DIP2B: variants seen among roughly 807,000 people sequenced by gnomAD.
DIP2B encodes the protein DIP2 acetate--CoA ligase B (putative).
A neutral mutation model predicts 198.0 loss-of-function variants in DIP2B; 76 were observed. The observed-to-expected ratio is 0.38, with a 90% CI of 0.32 to 0.46. DIP2B has a LOEUF of 0.46. DIP2B is among the 20% of genes least tolerant of loss of function. The pLI is 0.99. For missense variants in DIP2B, 1,559 were observed against 1,978.4 expected, an observed-to-expected ratio of 0.79 and a Z score of 4.02; for synonymous variants, 701 against 739.1, an observed-to-expected ratio of 0.95 and a Z score of 0.84.
intron 1 of DIP2B, among the ~76,000 whole-genome samples, chr12:50,568,348 C>T (rs557843081): frequency 6.6e-6 from 1 of 152,272 alleles, no homozygotes; most frequent in South Asian, 2.1e-4. Context: ...CTAGGGGCTT[C>T]TTTTCCCAGC....
In DIP2B at chr12:50,744,887, C is replaced by T. The variant is rs371776166; in HGVS notation, c.*48C>T. On this transcript the variant is annotated 3_prime_UTR_variant, in exon 38 of 38. Transcript: ENST00000301180. Reference sequence around the variant, plus strand: ...GGGCCATTCTGAAGAATCACAAAGACAGAAGACCTCTGGCTAAGAGCAGGC... The same window carrying T: ...GGGCCATTCTGAAGAATCACAAAGATAGAAGACCTCTGGCTAAGAGCAGGC... 5.8e-5 allele frequency: 92 copies of T among 1,598,152 alleles called. No homozygotes were observed. Among genetic ancestry groups the T allele is most frequent in the Admixed American group, 1.9e-4 (11 of 59,096 alleles).
At chr12:50,549,398 C>T (rs931345731) in intron 1 of DIP2B, among the ~76,000 whole-genome samples, 1 of 152,112 alleles carries the variant, frequency 6.6e-6, no homozygotes, top group Non-Finnish European at 1.5e-5. Flanking sequence ...GGCATGGTGG[C>T]GGGTGCCTGT....
chr12:50,594,710 C>T (rs1403733154), intron 1 of DIP2B, among the ~76,000 whole-genome samples: 2 of 151,958 alleles, frequency 1.3e-5, no homozygotes, highest in East Asian at 3.9e-4. Flanking sequence ...AAAAAGTCAT[C>T]GAAAATATCA....
At position 50,571,193 on chromosome 12, in the gene DIP2B, A is replaced by G. The variant is rs866530976; in HGVS notation, c.101-54783A>G. Among the ~76,000 whole-genome samples, 117 of 132,010 alleles carry G rather than the reference A, an allele frequency of 8.9e-4. 1 individual carries two copies. The highest frequency in any genetic ancestry group is 3.3e-3 in the African/African-American group (112 of 34,388). 86.6% of individuals were successfully genotyped at this position (132,010 alleles called of 152,430 possible). ...CTCTTTTTTTTTTTTTTTTTTGGAGATGGAGTCTTACTCTGTCACCCAGGC... is the reference window on the plus strand; with the variant it reads ...CTCTTTTTTTTTTTTTTTTTTGGAGGTGGAGTCTTACTCTGTCACCCAGGC... On this transcript the variant is annotated intron_variant, in intron 1 of 37. Coordinates refer to ENST00000301180, the MANE Select transcript of DIP2B (RefSeq NM_173602.3).
chr12:50,597,605 G>T (rs1488604693), intron 1 of DIP2B, among the ~76,000 whole-genome samples: 2 of 152,180 alleles, frequency 1.3e-5, no homozygotes, highest in East Asian at 3.9e-4. Context: ...TGATGGATCT[G>T]GGGGAGTTTG....
rs1329764072 is a variant in DIP2B, at chr12:50,714,474, G to T, written c.2729G>T (p.Gly910Val). Residue 910 changes from glycine to valine, a missense_variant, in exon 23 of 38, where the codon GGA becomes GTA. By Grantham distance (109) the Gly-to-Val change is moderately radical. Coordinates refer to ENST00000301180, the MANE Select transcript of DIP2B (RefSeq NM_173602.3). ...AATACATTGCCAAAAACTCCACTAGGAGGAATCCATATATCTCAGACGAAA... is the reference window on the plus strand; with the variant it reads ...AATACATTGCCAAAAACTCCACTAGTAGGAATCCATATATCTCAGACGAAA... ...PANTLPKTPL[G>V]GIHISQTKQL... 1 of 1,614,196 alleles carries T rather than the reference G, an allele frequency of 6.2e-7. No individual in the cohort carries two copies. The highest frequency in any genetic ancestry group is 8.5e-7 in the Non-Finnish European group (1 of 1,180,040).
intron 3 of DIP2B, among the ~76,000 whole-genome samples, chr12:50,658,220 T>G (rs1938587751): frequency 1.3e-5 from 2 of 151,804 alleles, no homozygotes; most frequent in South Asian, 4.2e-4. Flanking sequence ...CACTGCAACC[T>G]CCGCCTGCTG....
intron 1 of DIP2B, among the ~76,000 whole-genome samples, chr12:50,583,612 C>T (rs1033814650): frequency 4.6e-5 from 7 of 152,194 alleles, no homozygotes; most frequent in African/African-American, 1.7e-4. Flanking sequence ...GGGTAACGTA[C>T]TGATAAACCC....
At chr12:50,681,000 C>G (rs1939030854) in intron 9 of DIP2B, among the ~76,000 whole-genome samples, 1 of 152,176 alleles carries the variant, frequency 6.6e-6, no homozygotes, top group Non-Finnish European at 1.5e-5. Context: ...TCAGTAATCT[C>G]TTTAGGTGCT....
chr12:50,611,739 A>G (rs1439641953), intron 1 of DIP2B, among the ~76,000 whole-genome samples: 1 of 152,030 alleles, frequency 6.6e-6, no homozygotes, highest in Non-Finnish European at 1.5e-5. Context: ...CCCCAAAGCC[A>G]TTCCCTGGAC....
intron 3 of DIP2B, among the ~76,000 whole-genome samples, chr12:50,642,757 C>G (rs1156731767): frequency 3.3e-5 from 5 of 152,250 alleles, no homozygotes; most frequent in African/African-American, 4.8e-5. Flanking sequence ...CCACTGCACT[C>G]CAGCCTGGGC....
chr12:50,511,863 G>A (rs1427696559), intron 1 of DIP2B, among the ~76,000 whole-genome samples: 1 of 143,248 alleles, frequency 7.0e-6, no homozygotes, highest in African/African-American at 2.6e-5. Flanking sequence ...CAGGAGAATT[G>A]CTTGAACTCA....
chr12:50,593,721 CTCTCCTCTCCTCTCCTCT>C (rs1958843381), intron 1 of DIP2B, among the ~76,000 whole-genome samples: 2 of 4,068 alleles, frequency 4.9e-4, no homozygotes, highest in African/African-American at 3.0e-3. Context: ...CTCTCCTCTC[CTCTCCTCTCCTCTCCTCT>C]CCTCTCCCCT....
chr12:50,585,534 C>G (rs1353040033), intron 1 of DIP2B, among the ~76,000 whole-genome samples: 1 of 152,140 alleles, frequency 6.6e-6, no homozygotes. Context: ...AAAGGAACAG[C>G]AGGTGAGGCC....
chr12:50,532,937 C>T (rs1261537228), intron 1 of DIP2B, among the ~76,000 whole-genome samples: 2 of 152,200 alleles, frequency 1.3e-5, no homozygotes, highest in Non-Finnish European at 1.5e-5. Context: ...CTCTGGCCCT[C>T]ACCGGGCTGG....
intron 1 of DIP2B, among the ~76,000 whole-genome samples, chr12:50,540,222 C>T (rs918532260): frequency 6.6e-6 from 1 of 150,946 alleles, no homozygotes; most frequent in South Asian, 2.1e-4. Context: ...AATTCTCTGC[C>T]TCAGCCTCCC....
At chr12:50,709,831 AGCCAGGTG>A (rs1051885894) in intron 22 of DIP2B, among the ~76,000 whole-genome samples, 1 of 152,014 alleles carries the variant, frequency 6.6e-6, no homozygotes, top group African/African-American at 2.4e-5. Flanking sequence ...AGTAATAATG[AGCCAGGTG>A]CTGTGACAGG....
intron 21 of DIP2B, among the ~76,000 whole-genome samples, chr12:50,707,402 A>T (rs573182605): frequency 1.3e-5 from 2 of 152,216 alleles, no homozygotes; most frequent in African/African-American, 4.8e-5. Flanking sequence ...ATATCCCAGC[A>T]ATCAGTAGTG....
At chr12:50,735,854 A>G (rs909782259) in intron 34 of DIP2B, among the ~76,000 whole-genome samples, 2 of 152,214 alleles carry the variant, frequency 1.3e-5, no homozygotes, top group Non-Finnish European at 2.9e-5. Flanking sequence ...ACATGCATTT[A>G]AAGTTGAAAG....
Sources: allele counts gnomAD v4.1 joint callset (sites outside exome capture counted in the v4.1 genomes callset), GRCh38; gene constraint gnomAD v4.1.1; transcripts MANE v1.5; gene names NCBI Gene and HGNC (gene_info 2026-07-23, HGNC 2026-07-21).